The following NEBL variants were observed in gnomAD, a reference collection of about 807,000 sequenced individuals.
NEBL encodes the protein nebulette, also known as LIM and SH3 protein 2.
A neutral mutation model predicts 140.2 loss-of-function variants in NEBL; 122 were observed. That is an observed-to-expected ratio of 0.87 (90% CI 0.75 to 1.01). The LOEUF (loss-of-function observed/expected upper bound fraction) is 1.01, where lower values mean the gene tolerates loss of function less well. NEBL is among the 50% of genes least tolerant of loss of function. NEBL has a pLI of 0.00. For synonymous variants in NEBL, 436 were observed against 398.9 expected (o/e 1.09, Z -1.11); for missense variants, 1,365 against 1,231.3 (o/e 1.11, Z -1.62).
chr10:21,218,681 A>G (rs1209481051), intron 3 of NEBL, among the ~76,000 whole-genome samples: 1 of 152,190 alleles, frequency 6.6e-6, no homozygotes, highest in Non-Finnish European at 1.5e-5. Context: ...GAAATGGAAT[A>G]CACAATTTAT....
chr10:21,233,773 A>G (rs968736792), intron 3 of NEBL, among the ~76,000 whole-genome samples: 1 of 142,472 alleles, frequency 7.0e-6, no homozygotes, highest in Admixed American at 7.2e-5. Flanking sequence ...TATTACATAT[A>G]AATGCATATA....
intron 3 of NEBL, among the ~76,000 whole-genome samples, chr10:21,002,463 T>G (rs999681046): frequency 1.3e-5 from 2 of 152,194 alleles, no homozygotes; most frequent in Non-Finnish European, 2.9e-5. Context: ...CAGAAATAAA[T>G]TCTTAAATTA....
At chr10:20,843,086 G>T (rs578123041) in intron 12 of NEBL, among the ~76,000 whole-genome samples, 1 of 152,170 alleles carries the variant, frequency 6.6e-6, no homozygotes, top group African/African-American at 2.4e-5. Context: ...TTGAAGGTGG[G>T]ACCTTTGGGA....
intron 4 of NEBL, among the ~76,000 whole-genome samples, chr10:20,940,150 C>G (rs1459047748): frequency 1.3e-5 from 2 of 152,118 alleles, no homozygotes; most frequent in Non-Finnish European, 2.9e-5. Flanking sequence ...CAGCATCACA[C>G]CACACCTATT....
intron 3 of NEBL, among the ~76,000 whole-genome samples, chr10:21,013,776 G>A (rs926160478): frequency 3.3e-5 from 5 of 152,174 alleles, no homozygotes; most frequent in Non-Finnish European, 7.3e-5. Context: ...TACTCGGGAG[G>A]CTGAGGCAGG....
intron 2 of NEBL, among the ~76,000 whole-genome samples, chr10:21,057,546 T>TC (rs1835078261): frequency 3.6e-5 from 2 of 55,954 alleles, no homozygotes; most frequent in African/African-American, 1.5e-4. Flanking sequence ...AAATTCCTTT[T>TC]TTTTTTTTTT....
intron 1 of NEBL, among the ~76,000 whole-genome samples, chr10:21,282,201 T>A (rs1843001508): frequency 1.3e-5 from 2 of 152,118 alleles, no homozygotes; most frequent in Admixed American, 6.6e-5. Flanking sequence ...AGTGAATATG[T>A]AGATTTAGGA....
chr10:21,138,981 G>A (rs1254921906), intron 2 of NEBL, among the ~76,000 whole-genome samples: 5 of 152,136 alleles, frequency 3.3e-5, no homozygotes, highest in Admixed American at 1.3e-4. Context: ...ATGACTTCAT[G>A]ATGTTCTTAT....
chr10:20,790,805 T>A (rs1389880160), intron 26 of NEBL, among the ~76,000 whole-genome samples: 3 of 152,322 alleles, frequency 2.0e-5, no homozygotes, highest in Non-Finnish European at 2.9e-5. Flanking sequence ...GGCTTCACAT[T>A]TGGTTCACTG....
intron 24 of NEBL, among the ~76,000 whole-genome samples, chr10:20,811,000 A>C (rs1838084687): frequency 6.6e-6 from 1 of 152,220 alleles, no homozygotes; most frequent in Non-Finnish European, 1.5e-5. Flanking sequence ...GCCTCCAACA[A>C]AAATAGAAGC....
intron 2 of NEBL, among the ~76,000 whole-genome samples, chr10:21,068,883 T>C (rs1288197974): frequency 6.6e-6 from 1 of 152,158 alleles, no homozygotes; most frequent in Non-Finnish European, 1.5e-5. Context: ...ATGTTTGTTG[T>C]TATTGTTGTT....
At chr10:20,819,257 C>T (rs1477276391) in intron 20 of NEBL, 167 bp downstream of exon 20, 7 of 1,179,332 alleles carry the variant, frequency 5.9e-6, no homozygotes, top group Non-Finnish European at 8.3e-6. Flanking sequence ...CTGTTATTCC[C>T]CTCTATGTGT....
chr10:20,796,589 G>A (rs890270612), intron 26 of NEBL, among the ~76,000 whole-genome samples: 1 of 152,024 alleles, frequency 6.6e-6, no homozygotes, highest in Non-Finnish European at 1.5e-5. Flanking sequence ...TGACAGAACT[G>A]AGCTAAACCA....
At chr10:20,864,793 T>A (rs1844097742) in intron 7 of NEBL, among the ~76,000 whole-genome samples, 1 of 152,230 alleles carries the variant, frequency 6.6e-6, no homozygotes, top group South Asian at 2.1e-4. Flanking sequence ...ATTTCTGTTA[T>A]AATTGATATA....
intron 2 of NEBL, chr10:21,172,146 G>A (rs1034423651): frequency 5.5e-6 from 3 of 544,996 alleles, no homozygotes; most frequent in South Asian, 4.1e-5. Context: ...GTAACACTGC[G>A]AACCTCAAAA....
At chr10:20,951,372 A>G (rs1297949520) in intron 4 of NEBL, among the ~76,000 whole-genome samples, 3 of 150,146 alleles carry the variant, frequency 2.0e-5, no homozygotes, top group Admixed American at 2.0e-4. Context: ...AGAAAGCTAT[A>G]GAAGAAAATA....
chr10:20,862,380 A>T (rs1186107413), intron 7 of NEBL, among the ~76,000 whole-genome samples: 1 of 152,290 alleles, frequency 6.6e-6, no homozygotes, highest in Non-Finnish European at 1.5e-5. Flanking sequence ...TACATTATAT[A>T]AAAAAATGCA....
At position 21,093,150 on chromosome 10, in the gene NEBL, C is replaced by CTTTTTTTTTTTTTTT. The variant is rs4025884; in HGVS notation, c.165-72964_165-72950dup. ...TACTTTTATTCATTTAGCAACAAGTCTTTTTTTTTTTTTTTCCATTTTAGC... is the reference window on the plus strand; with the variant it reads ...TACTTTTATTCATTTAGCAACAAGTCTTTTTTTTTTTTTTTTTTTTTTTTTTTTTTCCATTTTAGC... On this transcript the variant is annotated intron_variant, in intron 2 of 6. Transcript: ENST00000417816. 9.6e-3 allele frequency among the ~76,000 whole-genome samples: 913 copies of CTTTTTTTTTTTTTTT among 94,798 alleles called. 116 individuals are homozygous for CTTTTTTTTTTTTTTT. The highest frequency in any genetic ancestry group is 0.036 in the African/African-American group (828 of 23,120). 62.2% of individuals were successfully genotyped at this position (94,798 alleles called of 152,430 possible). A position where few individuals can be genotyped will look rare whatever the true frequency, so the allele number is the denominator to read the frequency against.
In NEBL at chr10:20,785,837, C is replaced by A. The variant is rs201571938; in HGVS notation, c.2955G>T (p.Gln985His). ...CGTACATCCAGCCATCGTCAATAGG[C>A]TGCACGTTGACGATGTAGTCGCCGT... ...FRDGDYIVNV[Q>H]PIDDGWMYGT... Residue 985 changes from glutamine (Q) to histidine (H), a missense_variant, in exon 28 of 28, where the codon CAG (glutamine) becomes CAT (histidine). Coordinates refer to ENST00000377122, the MANE Select transcript of NEBL (RefSeq NM_006393.3). The A allele has an allele frequency of 1.2e-6, 2 of 1,614,098 alleles. No homozygotes were observed. Among genetic ancestry groups the A allele is most frequent in the Non-Finnish European group, 1.7e-6 (2 of 1,179,980 alleles).
Sources: allele counts gnomAD v4.1 joint callset (sites outside exome capture counted in the v4.1 genomes callset), GRCh38; gene constraint gnomAD v4.1.1; transcripts MANE v1.5; gene names NCBI Gene and HGNC (gene_info 2026-07-23, HGNC 2026-07-21).